The following CARMIL1 variants were observed in gnomAD, a reference collection of about 807,000 sequenced individuals.
CARMIL1 encodes the protein F-actin-uncapping protein LRRC16A.
In CARMIL1, 90 loss-of-function variants were observed where a neutral mutation model predicts 177.1. The ratio of observed to expected loss-of-function variants is 0.51; its 90% confidence interval spans 0.43 to 0.61. CARMIL1 has a LOEUF of 0.61. Ranked by LOEUF, CARMIL1 falls within the 20% of genes least tolerant of loss-of-function variation. CARMIL1 has a pLI of 0.00. For missense variants in CARMIL1, 1,380 were observed against 1,667.0 expected (o/e 0.83, Z 3.00); for synonymous variants, 577 against 606.2 (o/e 0.95, Z 0.71).
chr6:25,308,636 C>T (rs1044694447), intron 2 of CARMIL1, among the ~76,000 whole-genome samples: 1 of 151,922 alleles, frequency 6.6e-6, no homozygotes, highest in African/African-American at 2.4e-5. Context: ...CTGCCTTGGC[C>T]TCCCAAAGTG....
intron 23 of CARMIL1, among the ~76,000 whole-genome samples, chr6:25,524,189 G>C (rs903797161): frequency 2.0e-5 from 3 of 152,126 alleles, no homozygotes; most frequent in African/African-American, 4.8e-5. Context: ...TCACATAAGG[G>C]ATAGGGTTGA....
intron 2 of CARMIL1, among the ~76,000 whole-genome samples, chr6:25,391,343 C>T (rs911461651): frequency 6.6e-6 from 1 of 152,126 alleles, no homozygotes; most frequent in African/African-American, 2.4e-5. Flanking sequence ...CCAACCTGGA[C>T]AGTCTTAAGG....
chr6:25,404,875 A>G (rs1794229948), intron 2 of CARMIL1, among the ~76,000 whole-genome samples: 1 of 152,188 alleles, frequency 6.6e-6, no homozygotes, highest in South Asian at 2.1e-4. Context: ...AAGCTTGGAA[A>G]GGGATCTGTA....
chr6:25,485,489 C>T (rs1265485005), intron 12 of CARMIL1, among the ~76,000 whole-genome samples: 2 of 152,228 alleles, frequency 1.3e-5, no homozygotes, highest in Non-Finnish European at 2.9e-5. Flanking sequence ...GATCTTGGCT[C>T]ACTTGCATGA....
intron 2 of CARMIL1, among the ~76,000 whole-genome samples, chr6:25,298,341 A>T (rs549960882): frequency 1.3e-5 from 2 of 152,336 alleles, no homozygotes; most frequent in South Asian, 2.1e-4. Context: ...TACAAGGTAC[A>T]TGTTGTTATG....
chr6:25,431,741 A>C (rs1796808827), intron 4 of CARMIL1, among the ~76,000 whole-genome samples: 1 of 152,154 alleles, frequency 6.6e-6, no homozygotes, highest in African/African-American at 2.4e-5. Flanking sequence ...GTCTTACCAC[A>C]CTTGTAGTCT....
intron 16 of CARMIL1, among the ~76,000 whole-genome samples, chr6:25,498,925 T>C (rs1007236062): frequency 6.6e-6 from 1 of 152,144 alleles, no homozygotes; most frequent in Non-Finnish European, 1.5e-5. Context: ...AAGGACACTG[T>C]TTTAGAATAA....
intron 3 of CARMIL1, 72 bp from the exon 4 acceptor site, chr6:25,426,429 T>C (rs894402907): frequency 4.2e-4 from 419 of 1,006,660 alleles, no homozygotes; most frequent in Non-Finnish European, 5.5e-4. Context: ...TTTTTTTTTT[T>C]ACCTTAAGTT....
At chr6:25,479,551 T>A (rs562211574) in intron 11 of CARMIL1, among the ~76,000 whole-genome samples, 16 of 152,226 alleles carry the variant, frequency 1.1e-4, no homozygotes, top group Non-Finnish European at 1.6e-4. Context: ...GTTTCTCATT[T>A]ATTTATTTTA....
intron 33 of CARMIL1, among the ~76,000 whole-genome samples, chr6:25,603,017 T>C (rs1469786755): frequency 1.3e-5 from 2 of 152,212 alleles, no homozygotes; most frequent in Non-Finnish European, 1.5e-5. Flanking sequence ...TTATCCTTAT[T>C]CCCCACAGTC....
chr6:25,448,410 G>A (rs1315048111), intron 5 of CARMIL1, among the ~76,000 whole-genome samples: 2 of 152,096 alleles, frequency 1.3e-5, no homozygotes, highest in African/African-American at 4.8e-5. Context: ...GTAAGCATGG[G>A]CTTTCTCATC....
chr6:25,342,291 A>G (rs1787027621), intron 2 of CARMIL1, among the ~76,000 whole-genome samples: 1 of 152,178 alleles, frequency 6.6e-6, no homozygotes, highest in Non-Finnish European at 1.5e-5. Flanking sequence ...CCAGATGAAG[A>G]AATTTGGGTT....
At chr6:25,334,016 T>G (rs60467860) in intron 2 of CARMIL1, among the ~76,000 whole-genome samples, 6,760 of 152,300 alleles carry the variant, frequency 0.044, 444 homozygotes, top group African/African-American at 0.15. Context: ...TGGTGTTCTG[T>G]GAGTCCACGT....
chr6:25,488,535 C>G lies in CARMIL1; in HGVS notation c.1015C>G (p.Leu339Val). The G allele has an allele frequency of 6.2e-7, 1 of 1,614,024 alleles. No individual in the cohort carries two copies. Among genetic ancestry groups the G allele is most frequent in the Non-Finnish European group, 8.5e-7 (1 of 1,179,882 alleles). The change falls in exon 13 of 37, where the codon CTT becomes GTT. Residue 339 changes from leucine to valine, a missense_variant. Transcript: ENST00000329474. The stretch of plus-strand genomic sequence containing the variant: ...TGCCAATCCATTGACCGCCTCTACC[C>G]TTGTCCACCTCGACCTCTCAGGGAA... Reference protein sequence around the residue: ...LSANPLTASTLVHLDLSGNVL... With the variant: ...LSANPLTASTVVHLDLSGNVL...
chr6:25,490,606 G>A (rs1030591539), intron 13 of CARMIL1, among the ~76,000 whole-genome samples: 3 of 152,084 alleles, frequency 2.0e-5, no homozygotes, highest in South Asian at 2.1e-4. Flanking sequence ...GTTGAAGCGG[G>A]AGGATGGCTT....
rs144776654 is a variant in CARMIL1, at chr6:25,599,708, G to C, written c.3120-606G>C. 3.6e-3 allele frequency among the ~76,000 whole-genome samples: 544 copies of C among 152,210 alleles called. 2 individuals are homozygous for C. The highest frequency in any genetic ancestry group is 0.013 in the African/African-American group (533 of 41,512). ...CTTGGGAGATGGCCAGACTCAAGTC[G>C]CAAAAAGCCATCTCAAATTTTCAGG... On this transcript the variant is annotated intron_variant, in intron 32 of 36. Transcript: ENST00000329474.
At chr6:25,381,750 C>G (rs1791564850) in intron 2 of CARMIL1, among the ~76,000 whole-genome samples, 1 of 152,204 alleles carries the variant, frequency 6.6e-6, no homozygotes, top group South Asian at 2.1e-4. Flanking sequence ...TCCAGAAGCT[C>G]TTTGAACTCT....
intron 26 of CARMIL1, among the ~76,000 whole-genome samples, chr6:25,546,811 A>C (rs1324818444): frequency 6.6e-6 from 1 of 152,084 alleles, no homozygotes; most frequent in Non-Finnish European, 1.5e-5. Flanking sequence ...GCACTTTGGG[A>C]AGCTGAGGCA....
rs750962121 is a variant in CARMIL1, at chr6:25,537,883, A to G, written c.2096A>G (p.Gln699Arg). ...QMIDRICVKV[Q>R]DHLNSLRNCG... ...ATTGACAGAATATGTGTGAAAGTAC[A>G]AGATCATCTCAACTCCTTACGAAAT... The change falls in exon 25 of 37, where the codon CAA (glutamine) becomes CGA (arginine). Residue 699 changes from glutamine to arginine, a missense_variant. Gln to Arg is a conservative substitution (Grantham distance 43, BLOSUM62 1). Coordinates refer to ENST00000329474, the MANE Select transcript of CARMIL1 (RefSeq NM_017640.6). The G allele has an allele frequency of 6.2e-7, 1 of 1,610,744 alleles. No homozygotes were observed. Among genetic ancestry groups the G allele is most frequent in the East Asian group, 2.2e-5 (1 of 44,840 alleles).
Sources: allele counts gnomAD v4.1 joint callset (sites outside exome capture counted in the v4.1 genomes callset), GRCh38; gene constraint gnomAD v4.1.1; transcripts MANE v1.5; gene names NCBI Gene and HGNC (gene_info 2026-07-23, HGNC 2026-07-21).